NME9: variants seen among roughly 807,000 people sequenced by gnomAD.
NME9 encodes the protein NME/NM23 family member 9.
Under a neutral mutation model 44.4 loss-of-function variants are expected in NME9, and 48 were observed. The observed-to-expected ratio is 1.08, with a 90% confidence interval of 0.86 to 1.37. The LOEUF is 1.37. Among genes scored for constraint, NME9 ranks in the 40% most tolerant of loss-of-function variants. The probability of loss-of-function intolerance (pLI) is 0.00; values close to 1 mark genes in which losing one functional copy is unlikely to be tolerated. For synonymous variants in NME9, 139 were observed against 147.1 expected, an observed-to-expected ratio of 0.94 and a Z score of 0.40; for missense variants, 325 against 405.2, an observed-to-expected ratio of 0.80 and a Z score of 1.70.
rs528848102 is a variant in NME9, at chr3:138,280,963, T to TA, written c.746-18378dup. Among the ~76,000 whole-genome samples the TA allele has an allele frequency of 3.3e-4, 51 of 152,254 alleles. No individual in the cohort carries two copies. The East Asian group carries it at 5.8e-3, about 17-fold the overall frequency. ...TTCAGAGTTTAGCCAACTGTTTCTT[T>TA]AAGAGGCAAGGTATATATTTCAATT... On this transcript the variant is annotated intron_variant, in intron 8 of 8. Coordinates refer to the NME9 transcript ENST00000317876.
intron 10 of NME9, among the ~76,000 whole-genome samples, chr3:138,302,312 G>A (rs913448655): frequency 1.3e-5 from 2 of 152,090 alleles, no homozygotes; most frequent in Non-Finnish European, 2.9e-5. Context: ...TATCACCTGA[G>A]GCCAAAAAGT....
chr3:138,265,005 C>T (rs937752822), intron 8 of NME9, among the ~76,000 whole-genome samples: 1 of 151,670 alleles, frequency 6.6e-6, no homozygotes, highest in Non-Finnish European at 1.5e-5. Flanking sequence ...CCAAGTGATT[C>T]TCCCACCTTG....
chr3:138,325,011 C>T (rs2053691944), intron 1 of NME9, 81 bp from the exon 2 acceptor site: 4 of 1,101,456 alleles, frequency 3.6e-6, no homozygotes, highest in Non-Finnish European at 5.5e-6. Context: ...CTAGATTTCT[C>T]TCTTCTATCT....
intron 6 of NME9, among the ~76,000 whole-genome samples, chr3:138,307,431 T>C (rs1435168540): frequency 6.6e-6 from 1 of 152,226 alleles, no homozygotes; most frequent in Non-Finnish European, 1.5e-5. Flanking sequence ...CCATCACCTA[T>C]TTTGTTTCTC....
At chr3:138,319,392 C>G in intron 3 of NME9, 86 bp downstream of exon 3, 2 of 761,410 alleles carry the variant, frequency 2.6e-6, no homozygotes, top group Non-Finnish European at 4.5e-6. Context: ...AGAAAGGTCA[C>G]TCTCACACTT....
chr3:138,307,959 G>A (rs2052399069), intron 6 of NME9, among the ~76,000 whole-genome samples: 1 of 152,206 alleles, frequency 6.6e-6, no homozygotes, highest in African/African-American at 2.4e-5. Flanking sequence ...GCAGAGGCCA[G>A]ATTGCTGCAG....
intron 8 of NME9, 81 bp downstream of exon 8, chr3:138,305,923 A>G (rs889663842): frequency 2.1e-6 from 2 of 956,930 alleles, no homozygotes; most frequent in Admixed American, 3.8e-5. Context: ...CTTCTGTCAC[A>G]AACTGATATC....
At position 138,272,862 on chromosome 3, in the gene NME9, ACT is replaced by A. The variant is rs369507647; in HGVS notation, c.746-10278_746-10277del. Reference sequence around the variant, plus strand: ...ACACCAGCCTGGGCGACAGAGCAAGACTCTGTCTCAAAAAAATAAAAAAAAAT... The same window carrying A: ...ACACCAGCCTGGGCGACAGAGCAAGACTGTCTCAAAAAAATAAAAAAAAAT... On this transcript the variant is annotated intron_variant, in intron 8 of 8. Transcript: ENST00000317876. 1.2e-4 allele frequency: 125 copies of A among 1,038,114 alleles called. No individual in the cohort carries two copies. The East Asian group carries it at 3.5e-3, about 29-fold the overall frequency. 64.3% of individuals were successfully genotyped at this position (1,038,114 alleles called of 1,614,324 possible). A position where few individuals can be genotyped will look rare whatever the true frequency, so the allele number is the denominator to read the frequency against.
downstream of NME9, chr3:138,298,213 C>CAAT (rs2051652472): frequency 6.6e-6 from 1 of 152,170 alleles, no homozygotes; most frequent in Non-Finnish European, 1.5e-5. Context: ...TCCTTTTGTG[C>CAAT]CCTGATTGTA....
At chr3:138,272,893 C>T in intron 8 of NME9, 1 of 1,251,588 alleles carries the variant, frequency 8.0e-7, no homozygotes, top group African/African-American at 1.5e-5. Context: ...AAAAAATTAC[C>T]AGAGTTACTA....
At chr3:138,265,386 A>T (rs2048181147) in intron 8 of NME9, among the ~76,000 whole-genome samples, 1 of 152,002 alleles carries the variant, frequency 6.6e-6, no homozygotes. Flanking sequence ...TTTTTTTCTT[A>T]AGTGATCATA....
chr3:138,262,882 A>T (rs1313703605), intron 8 of NME9, among the ~76,000 whole-genome samples: 1 of 152,238 alleles, frequency 6.6e-6, no homozygotes, highest in East Asian at 1.9e-4. Context: ...CTCTGGAGTC[A>T]CATGCCTGGG....
At chr3:138,279,760 T>C (rs1266918238) in intron 8 of NME9, among the ~76,000 whole-genome samples, 1 of 152,250 alleles carries the variant, frequency 6.6e-6, no homozygotes, top group African/African-American at 2.4e-5. Flanking sequence ...GTGTGAGCTT[T>C]GGTATTATGT....
At position 138,329,557 on chromosome 3, in the gene NME9, G is replaced by C; in HGVS notation, c.-222C>G. 2 of 1,326,812 alleles carry C rather than the reference G, an allele frequency of 1.5e-6. No individual in the cohort carries two copies. Among genetic ancestry groups the C allele is most frequent in the Non-Finnish European group, 1.9e-6 (2 of 1,041,526 alleles). The allele number at this position is 1,326,812 out of a possible 1,614,324, so 82.2% of individuals were successfully genotyped here. A position where few individuals can be genotyped will look rare whatever the true frequency, so the allele number is the denominator to read the frequency against. On this transcript the variant is annotated 5_prime_UTR_variant, in exon 1 of 11. Coordinates refer to ENST00000333911, the MANE Select transcript of NME9 (RefSeq NM_001349018.2). ...AGGAAGCGGAGCCTGCAGTCCACGGGCTCGTGGCTCGCCGGGCGGTTTTCT... is the reference window on the plus strand; with the variant it reads ...AGGAAGCGGAGCCTGCAGTCCACGGCCTCGTGGCTCGCCGGGCGGTTTTCT...
At chr3:138,274,218 G>A (rs900895140) in intron 8 of NME9, among the ~76,000 whole-genome samples, 3 of 149,494 alleles carry the variant, frequency 2.0e-5, no homozygotes, top group African/African-American at 5.1e-5. Flanking sequence ...GTATGTATGT[G>A]TAATGTGTAT....
At chr3:138,288,878 C>A (rs2050680358) in intron 8 of NME9, 4 of 559,080 alleles carry the variant, frequency 7.2e-6, no homozygotes, top group Non-Finnish European at 1.3e-5. Context: ...CCTCGATCTT[C>A]CACCTGCCTT....
chr3:138,284,454 A>G, intron 8 of NME9: 2 of 1,613,686 alleles, frequency 1.2e-6, no homozygotes, highest in Non-Finnish European at 1.7e-6. Context: ...TAGCCAACAT[A>G]GCGGATGGGA....
intron 2 of NME9, 72 bp from the exon 3 acceptor site, chr3:138,319,653 G>C (rs2053337852): frequency 5.1e-6 from 4 of 779,712 alleles, no homozygotes; most frequent in East Asian, 5.1e-5. Context: ...ATTTATACCT[G>C]TACATTCTAA....
Position 138,288,540 on chromosome 3 carries a change from C to T in NME9, c.745+14967G>A, listed in dbSNP as rs1020061957. Among the ~76,000 whole-genome samples, 38 of 152,234 alleles carry T rather than the reference C, an allele frequency of 2.5e-4. 1 individual carries two copies. Among genetic ancestry groups the T allele is most frequent in the Admixed American group, 1.8e-3 (27 of 15,292 alleles). ...GTACTCCTCAATTTGCCAGATTCTC[C>T]ACTGTCCCTTGTTATCTTTAGCCCA... On this transcript the variant is annotated intron_variant, in intron 8 of 8. Transcript: ENST00000317876.
Sources: allele counts gnomAD v4.1 joint callset (sites outside exome capture counted in the v4.1 genomes callset), GRCh38; gene constraint gnomAD v4.1.1; transcripts MANE v1.5; gene names NCBI Gene and HGNC (gene_info 2026-07-23, HGNC 2026-07-21).